The following RELN variants were observed in gnomAD, a reference collection of about 807,000 sequenced individuals.
RELN encodes the protein reelin.
Under a neutral mutation model 427.6 loss-of-function variants are expected in RELN, and 108 were observed. The observed-to-expected ratio is 0.25, with a 90% confidence interval of 0.22 to 0.30. The LOEUF is 0.30. Ranked by LOEUF, RELN falls within the 10% of genes least tolerant of loss-of-function variation. RELN has a pLI of 1.00. For synonymous variants in RELN, 1,524 were observed against 1,513.4 expected, an observed-to-expected ratio of 1.01 and a Z score of -0.16; for missense variants, 3,715 against 4,302.8, an observed-to-expected ratio of 0.86 and a Z score of 3.82.
chr7:103,509,823 G>T (rs28805347), intron 51 of RELN, among the ~76,000 whole-genome samples: 1,625 of 151,980 alleles, frequency 0.011, 30 homozygotes, highest in African/African-American at 0.037. Flanking sequence ...ATCAAAAAGT[G>T]GTCGAAGGAT....
intron 10 of RELN, among the ~76,000 whole-genome samples, chr7:103,690,734 T>G (rs192378036): frequency 5.9e-5 from 9 of 152,190 alleles, no homozygotes; most frequent in Admixed American, 5.9e-4. Context: ...AGGGTGGGGC[T>G]CTGGGGAGCT....
chr7:103,472,909 C>G lies in RELN; in HGVS notation c.10287-1G>C. 1.9e-6 allele frequency: 3 copies of G among 1,612,162 alleles called. No individual in the cohort carries two copies. Among genetic ancestry groups the G allele is most frequent in the Non-Finnish European group, 2.5e-6 (3 of 1,178,316 alleles). The stretch of plus-strand genomic sequence containing the variant: ...CATCATGTAATTTTGTTTGCGAGTG[C>G]TGTTAAAATCAAACAGGATAGAGGC... On this transcript the variant is annotated splice_acceptor_variant, in intron 64 of 64. Coordinates refer to ENST00000428762, the MANE Select transcript of RELN (RefSeq NM_005045.4). LOFTEE classifies it high-confidence loss of function.
chr7:103,698,082 T>A lies in RELN; in HGVS notation c.914A>T (p.Asn305Ile). Residue 305 changes from asparagine (N) to isoleucine (I), a missense_variant, in exon 10 of 65, where the codon AAT (asparagine) becomes ATT (isoleucine). Physicochemically the swap from Asn to Ile is moderately radical, Grantham distance 149. This residue lies in a region of RELN where 2,208 missense variants were observed against 2,361.7 expected (regional missense o/e 0.93). Transcript: ENST00000428762. ...IQLEKIRAPS[N>I]VSTIIHILYL... ...GAGGATATGGATGATTGTGCTGACA[T>A]TGGAAGGGGCTCTGGAACATACAGA... The A allele has an allele frequency of 6.2e-7, 1 of 1,613,712 alleles. No homozygotes were observed. The highest frequency in any genetic ancestry group is 8.5e-7 in the Non-Finnish European group (1 of 1,179,732).
intron 36 of RELN, among the ~76,000 whole-genome samples, chr7:103,559,645 G>C (rs1212667051): frequency 1.3e-5 from 2 of 151,968 alleles, no homozygotes; most frequent in African/African-American, 2.4e-5. Context: ...TGTAATCATA[G>C]CTCACTACAA....
intron 2 of RELN, among the ~76,000 whole-genome samples, chr7:103,880,636 C>G (rs1307741055): frequency 6.6e-6 from 1 of 152,148 alleles, no homozygotes. Context: ...CTTAACTTCT[C>G]TGAGTTTCAA....
At chr7:103,486,816 A>T (rs1290073222) in intron 60 of RELN, among the ~76,000 whole-genome samples, 1 of 152,224 alleles carries the variant, frequency 6.6e-6, no homozygotes, top group Non-Finnish European at 1.5e-5. Context: ...TGGGAGTGTA[A>T]ATTAGTTCAA....
rs142286963 is a variant in RELN, at chr7:103,778,592, T to C, written c.474-1965A>G. On this transcript the variant is annotated intron_variant, in intron 3 of 64. Coordinates refer to ENST00000428762, the MANE Select transcript of RELN (RefSeq NM_005045.4). The stretch of plus-strand genomic sequence containing the variant: ...AGAGGTTTCACCTTTTCTCTAAATA[T>C]CAGATATACCAACATCTGCTAGTCA... Among the ~76,000 whole-genome samples, 798 of 152,300 alleles carry C rather than the reference T, an allele frequency of 5.2e-3. 3 individuals carry two copies. The highest frequency in any genetic ancestry group is 0.018 in the African/African-American group (741 of 41,572).
At position 103,776,145 on chromosome 7, in the gene RELN, G is replaced by A. The variant is rs181058480; in HGVS notation, c.544+412C>T. On this transcript the variant is annotated intron_variant, in intron 4 of 64. Coordinates refer to ENST00000428762, the MANE Select transcript of RELN (RefSeq NM_005045.4). Reference sequence around the variant, plus strand: ...TTAATAGTGCACACAGTTGAAACAGGCCCATAGATACTGTACACATAATCA... The same window carrying A: ...TTAATAGTGCACACAGTTGAAACAGACCCATAGATACTGTACACATAATCA... 2.4e-4 allele frequency among the ~76,000 whole-genome samples: 37 copies of A among 152,262 alleles called. No individual in the cohort carries two copies. In the East Asian group the frequency reaches 6.6e-3, roughly 27 times the overall value.
chr7:103,976,657 T>C (rs1796885517), intron 1 of RELN, among the ~76,000 whole-genome samples: 1 of 152,130 alleles, frequency 6.6e-6, no homozygotes, highest in South Asian at 2.1e-4. Context: ...CCAGTAGCCA[T>C]CCAAGTGGAG....
intron 20 of RELN, among the ~76,000 whole-genome samples, chr7:103,616,997 C>T (rs1832095222): frequency 6.6e-6 from 1 of 152,110 alleles, no homozygotes; most frequent in Non-Finnish European, 1.5e-5. Flanking sequence ...AAAAAGATTG[C>T]ACCAAGTTAC....
At chr7:103,733,403 C>A (rs1790405842) in intron 6 of RELN, among the ~76,000 whole-genome samples, 1 of 135,812 alleles carries the variant, frequency 7.4e-6, no homozygotes, top group African/African-American at 2.8e-5. Flanking sequence ...GGATCTAGAA[C>A]AAGAAATACC....
intron 1 of RELN, among the ~76,000 whole-genome samples, chr7:103,934,613 C>T (rs1040690178): frequency 6.6e-6 from 1 of 152,156 alleles, no homozygotes; most frequent in East Asian, 1.9e-4. Context: ...ATATATTGTG[C>T]CCCCACACTG....
intron 8 of RELN, among the ~76,000 whole-genome samples, chr7:103,717,451 G>T (rs1789966636): frequency 6.7e-6 from 1 of 149,914 alleles, no homozygotes; most frequent in Admixed American, 6.6e-5. Context: ...CCAAATTTTA[G>T]TTAACATAGA....
chr7:103,964,914 C>T (rs1563115097), intron 1 of RELN, among the ~76,000 whole-genome samples: 1 of 152,150 alleles, frequency 6.6e-6, no homozygotes, highest in Non-Finnish European at 1.5e-5. Context: ...GTGAGAATAA[C>T]TTAGGACAAG....
At chr7:103,909,755 T>TTAATATATATAAATATATATA (rs1795311601) in intron 2 of RELN, among the ~76,000 whole-genome samples, 2 of 85,508 alleles carry the variant, frequency 2.3e-5, no homozygotes, top group Non-Finnish European at 3.8e-5. Context: ...ATATATATAT[T>TTAATATATATAAATATATATA]AAATATATAT....
intron 1 of RELN, among the ~76,000 whole-genome samples, chr7:103,959,441 A>G (rs1290849566): frequency 1.3e-5 from 2 of 152,176 alleles, no homozygotes; most frequent in Admixed American, 1.3e-4. Context: ...AGCATCACAT[A>G]TGTGTCCAAC....
intron 10 of RELN, among the ~76,000 whole-genome samples, chr7:103,689,584 C>A (rs557355547): frequency 6.6e-6 from 1 of 152,064 alleles, no homozygotes; most frequent in Non-Finnish European, 1.5e-5. Context: ...CCACCAAAGA[C>A]GAGCGTAAAC....
chr7:103,777,857 A>T (rs1329163241), intron 3 of RELN, among the ~76,000 whole-genome samples: 16 of 148,548 alleles, frequency 1.1e-4, no homozygotes, highest in Non-Finnish European at 2.2e-4. Flanking sequence ...AAGCTAACAT[A>T]TTTCAGCAGT....
chr7:103,489,654 C>T (rs904053279), intron 60 of RELN, 88 bp downstream of exon 60: 9 of 1,467,992 alleles, frequency 6.1e-6, no homozygotes, highest in Non-Finnish European at 8.4e-6. Flanking sequence ...GAGTTTCTAT[C>T]CATTTCCTAG....
Sources: allele counts gnomAD v4.1 joint callset (sites outside exome capture counted in the v4.1 genomes callset), GRCh38; gene constraint gnomAD v4.1.1; regional missense constraint gnomAD v4.1.1; transcripts MANE v1.5; gene names NCBI Gene and HGNC (gene_info 2026-07-23, HGNC 2026-07-21).